Variants in DARS1 observed in about 807,000 individuals in gnomAD.
DARS1 encodes aspartate--tRNA ligase, cytoplasmic.
A neutral mutation model predicts 68.8 loss-of-function variants in DARS1; 51 were observed. That is an observed-to-expected ratio of 0.74 (90% confidence interval 0.59 to 0.94). DARS1 has a LOEUF of 0.94. DARS1 is among the 40% of genes least tolerant of loss of function. DARS1 has a pLI of 0.00. For synonymous variants in DARS1, 203 were observed against 190.4 expected (o/e 1.07, Z -0.55); for missense variants, 607 against 597.3 (o/e 1.02, Z -0.17).
intron 5 of DARS1, among the ~76,000 whole-genome samples, chr2:135,941,920 G>A (rs1198475551): frequency 2.0e-5 from 3 of 152,172 alleles, no homozygotes; most frequent in Admixed American, 6.5e-5. Context: ...CATCATCACT[G>A]GCCATCAGAG....
At chr2:135,971,492 T>A (rs1443173703) in intron 3 of DARS1, among the ~76,000 whole-genome samples, 1 of 152,166 alleles carries the variant, frequency 6.6e-6, no homozygotes, top group Non-Finnish European at 1.5e-5. Flanking sequence ...TTGTACTGAA[T>A]GAGGAAAAAC....
chr2:135,935,218 C>T (rs996497102), intron 5 of DARS1, among the ~76,000 whole-genome samples: 2 of 152,130 alleles, frequency 1.3e-5, no homozygotes, highest in African/African-American at 4.8e-5. Context: ...ATTGCTCTCT[C>T]TCATTAAACA....
At chr2:135,941,999 AAAC>A (rs1484072900) in intron 5 of DARS1, among the ~76,000 whole-genome samples, 2 of 152,160 alleles carry the variant, frequency 1.3e-5, no homozygotes, top group African/African-American at 2.4e-5. Context: ...AAAAGTCAGG[AAAC>A]AACAGGTGCT....
At chr2:135,962,613 A>C (rs1682125085) in intron 3 of DARS1, among the ~76,000 whole-genome samples, 1 of 152,242 alleles carries the variant, frequency 6.6e-6, no homozygotes, top group Non-Finnish European at 1.5e-5. Context: ...ACAAAGTGTC[A>C]ACACAGACAT....
intron 10 of DARS1, among the ~76,000 whole-genome samples, chr2:135,918,597 G>A (rs905070025): frequency 1.4e-4 from 22 of 152,256 alleles, no homozygotes; most frequent in East Asian, 7.7e-4. Context: ...CAGTAATGGC[G>A]TTTGAGTCTA....
At position 135,985,522 on chromosome 2, in the gene DARS1, G is replaced by A. The variant is rs1450547439; in HGVS notation, c.-54C>T. 5 of 1,613,440 alleles carry A rather than the reference G, an allele frequency of 3.1e-6. No homozygotes were observed. Among genetic ancestry groups the A allele is most frequent in the Non-Finnish European group, 3.4e-6 (4 of 1,179,784 alleles). ...ACCCTCCCTCGCAGGCTTCCGTAAG[G>A]CAGGCCAAAGGGGCTTCTCCCTCCC... On this transcript the variant is annotated 5_prime_UTR_variant, in exon 1 of 16. Transcript: ENST00000264161.
In DARS1 at chr2:135,911,402, C is replaced by T; in HGVS notation, c.1322G>A (p.Arg441Lys). The T allele has an allele frequency of 1.0e-6, 1 of 981,742 alleles. No individual in the cohort carries two copies. Among genetic ancestry groups the T allele is most frequent in the Non-Finnish European group, 1.7e-6 (1 of 602,290 alleles). The allele number at this position is 981,742 out of a possible 1,614,324, so 60.8% of individuals were successfully genotyped here. A position where few individuals can be genotyped will look rare whatever the true frequency, so the allele number is the denominator to read the frequency against. The change falls in exon 14 of 16, where the codon AGA becomes AAA. Residue 441 changes from arginine (R) to lysine (K), a missense_variant. Arg to Lys is a conservative substitution (Grantham distance 26). Transcript: ENST00000264161. ...TTTACCAATTCCATGATGTAAAGCTCTCTCTGTTAGCAGTTGAGGATCATG... is the reference window on the plus strand; with the variant it reads ...TTTACCAATTCCATGATGTAAAGCTTTCTCTGTTAGCAGTTGAGGATCATG... Reference protein sequence around the residue: ...RIHDPQLLTERALHHGIDLEK... With the variant: ...RIHDPQLLTEKALHHGIDLEK...
chr2:135,946,570 A>G (rs1453092258), intron 4 of DARS1, among the ~76,000 whole-genome samples: 1 of 152,220 alleles, frequency 6.6e-6, no homozygotes, highest in East Asian at 1.9e-4. Context: ...TGAGCATATC[A>G]CACTTTGGAG....
intron 7 of DARS1, among the ~76,000 whole-genome samples, chr2:135,926,913 A>T (rs1681230435): frequency 6.6e-6 from 1 of 152,180 alleles, no homozygotes; most frequent in Non-Finnish European, 1.5e-5. Flanking sequence ...AGTCTGAGAA[A>T]CTTTTTGTAC....
intron 15 of DARS1, among the ~76,000 whole-genome samples, chr2:135,908,492 G>C (rs1284859941): frequency 6.6e-6 from 1 of 152,196 alleles, no homozygotes; most frequent in Non-Finnish European, 1.5e-5. Context: ...TCGCCATACT[G>C]TCTTCCACAA....
rs547239301 is a variant in DARS1 at position 135,975,293 on chromosome 2, G to A, written c.217+3981C>T. Among the ~76,000 whole-genome samples the A allele has an allele frequency of 3.9e-5, 6 of 152,016 alleles. No individual in the cohort carries two copies. In the South Asian group the frequency reaches 8.3e-4, roughly 21 times the overall value. Reference sequence around the variant, plus strand: ...CTGGGAGGCGGAGTTTGCAGTGAGCGGAGACTGTGCCACTGCACTCCAGCC... The same window carrying A: ...CTGGGAGGCGGAGTTTGCAGTGAGCAGAGACTGTGCCACTGCACTCCAGCC... On this transcript the variant is annotated intron_variant, in intron 3 of 15. Transcript: ENST00000264161.
chr2:135,964,101 C>T (rs888709936), intron 3 of DARS1, among the ~76,000 whole-genome samples: 2 of 151,960 alleles, frequency 1.3e-5, no homozygotes, highest in East Asian at 1.9e-4. Context: ...GGAACACGAA[C>T]GTAAGTATTT....
chr2:135,906,521 C>T lies in DARS1; in HGVS notation c.*795G>A, dbSNP rs537506875. Among the ~76,000 whole-genome samples, 1 of 152,262 alleles carries T rather than the reference C, an allele frequency of 6.6e-6. No individual in the cohort carries two copies. Among genetic ancestry groups the T allele is most frequent in the East Asian group, 1.9e-4 (1 of 5,192 alleles). On this transcript the variant is annotated 3_prime_UTR_variant, in exon 16 of 16. Transcript: ENST00000264161. Reference sequence around the variant, plus strand: ...AAGCTGTCAACTTTAAGAGCTCTATCCCTACGCCCATCTAAACTAATATCC... The same window carrying T: ...AAGCTGTCAACTTTAAGAGCTCTATTCCTACGCCCATCTAAACTAATATCC...
In DARS1 at chr2:135,906,520, T is replaced by C. The variant is rs1045311868; in HGVS notation, c.*796A>G. Among the ~76,000 whole-genome samples the C allele has an allele frequency of 6.6e-6, 1 of 152,194 alleles. No homozygotes were observed. The highest frequency in any genetic ancestry group is 1.9e-4 in the East Asian group (1 of 5,208). Reference sequence around the variant, plus strand: ...CAAGCTGTCAACTTTAAGAGCTCTATCCCTACGCCCATCTAAACTAATATC... The same window carrying C: ...CAAGCTGTCAACTTTAAGAGCTCTACCCCTACGCCCATCTAAACTAATATC... On this transcript the variant is annotated 3_prime_UTR_variant, in exon 16 of 16. Coordinates refer to ENST00000264161, the MANE Select transcript of DARS1 (RefSeq NM_001349.4).
chr2:135,941,199 C>T lies in DARS1; in HGVS notation c.423+2179G>A, dbSNP rs148798639. On this transcript the variant is annotated intron_variant, in intron 5 of 15. Coordinates refer to ENST00000264161, the MANE Select transcript of DARS1 (RefSeq NM_001349.4). ...TGGAACCAAAAAAGAGCCTGCATTG[C>T]GAAGACAATCCTAAGCCAAAAGAAC... Among the ~76,000 whole-genome samples, 343 of 152,294 alleles carry T rather than the reference C, an allele frequency of 2.3e-3. 2 individuals are homozygous for T. Among genetic ancestry groups the T allele is most frequent in the African/African-American group, 7.7e-3 (322 of 41,558 alleles).
At chr2:135,953,098 A>T (rs1681879855) in intron 4 of DARS1, among the ~76,000 whole-genome samples, 1 of 152,190 alleles carries the variant, frequency 6.6e-6, no homozygotes, top group African/African-American at 2.4e-5. Context: ...ACAATTTTGC[A>T]TAGGACGGTT....
chr2:135,927,331 G>A (rs943655323), intron 7 of DARS1, among the ~76,000 whole-genome samples: 3 of 152,000 alleles, frequency 2.0e-5, no homozygotes, highest in Admixed American at 6.5e-5. Context: ...TGCAACATAT[G>A]TTAATTTCAA....
intron 3 of DARS1, among the ~76,000 whole-genome samples, chr2:135,978,605 A>G (rs1272750901): frequency 4.6e-5 from 7 of 152,260 alleles, no homozygotes; most frequent in Middle Eastern, 3.2e-3. Context: ...CCAATTTTCT[A>G]TAAGAACAGG....
At chr2:135,965,857 C>T (rs184728930) in intron 3 of DARS1, among the ~76,000 whole-genome samples, 1 of 152,290 alleles carries the variant, frequency 6.6e-6, no homozygotes, top group Non-Finnish European at 1.5e-5. Flanking sequence ...TTTTAAAGGA[C>T]TCAAACAAAC....
Sources: gnomAD v4.1 joint callset for allele counts (sites outside exome capture counted in the v4.1 genomes callset) on GRCh38, gnomAD v4.1.1 for gene constraint, MANE v1.5 for transcripts, NCBI Gene and HGNC (gene_info 2026-07-23, HGNC 2026-07-21) for gene names.